The following SAXO5 variants were observed in gnomAD, a reference collection of about 807,000 sequenced individuals.
The protein encoded by SAXO5 is stabilizer of axonemal microtubules 5.
At chr19:7,505,306 A>G in the SAXO5 span, 2 of 1,610,998 alleles carry the variant, frequency 1.2e-6, no homozygotes, top group Non-Finnish European at 1.7e-6. Context: ...TCTTGATGGA[A>G]TAATACACTA....
chr19:7,507,110 C>T, the SAXO5 span: 12 of 1,613,950 alleles, frequency 7.4e-6, no homozygotes, highest in East Asian at 2.2e-5. Context: ...AGAACACCTC[C>T]GGCCCCGGTG....
chr19:7,500,907 G>C, the SAXO5 span: 3 of 1,581,750 alleles, frequency 1.9e-6, no homozygotes, highest in Non-Finnish European at 2.6e-6. Flanking sequence ...CTTCTCGCTG[G>C]GGCCTGACCT....
At chr19:7,498,448 G>T in the SAXO5 span, among the ~76,000 whole-genome samples, 1 of 147,084 alleles carries the variant, frequency 6.8e-6, no homozygotes, top group Non-Finnish European at 1.5e-5. Flanking sequence ...CCAGGCTGGA[G>T]TGCAATGGCG....
the SAXO5 span, among the ~76,000 whole-genome samples, chr19:7,507,867 C>T: frequency 3.3e-5 from 5 of 152,168 alleles, no homozygotes; most frequent in East Asian, 7.7e-4. Flanking sequence ...TGTCCCTAGG[C>T]GGCCCCACCT....
At chr19:7,506,722 C>G in the SAXO5 span, 1 of 378,650 alleles carries the variant, frequency 2.6e-6, no homozygotes, top group Non-Finnish European at 4.9e-6. Context: ...TGGCTCCTTC[C>G]TTTGTCCCAG....
the SAXO5 span, chr19:7,506,213 GC>G: frequency 7.3e-7 from 1 of 1,360,666 alleles, no homozygotes; most frequent in Non-Finnish European, 9.5e-7. Flanking sequence ...GCCCCGGGAA[GC>G]CCCACCCCCG....
the SAXO5 span, chr19:7,505,558 A>G: frequency 1.2e-6 from 2 of 1,614,166 alleles, no homozygotes; most frequent in South Asian, 2.2e-5. Context: ...GGAGTCGCAC[A>G]TCCTGAAAGG....
At chr19:7,500,767 T>A in the SAXO5 span, 2 of 1,372,258 alleles carry the variant, frequency 1.5e-6, no homozygotes, top group Non-Finnish European at 1.9e-6. Flanking sequence ...AGTGCCCCAA[T>A]GGGCACTTGC....
At chr19:7,501,107 G>A in the SAXO5 span, 1 of 1,504,876 alleles carries the variant, frequency 6.6e-7, no homozygotes, top group African/African-American at 1.4e-5. Flanking sequence ...CGCCGTGGGA[G>A]CTGCTGCAAG....
At chr19:7,501,289 C>T in the SAXO5 span, 5 of 1,573,766 alleles carry the variant, frequency 3.2e-6, no homozygotes, top group South Asian at 1.1e-5. Flanking sequence ...GACCGCGACT[C>T]CCTGCCTCCT....
chr19:7,504,476 G>A, the SAXO5 span: 2 of 1,331,004 alleles, frequency 1.5e-6, no homozygotes, highest in African/African-American at 2.9e-5. Context: ...GGGAGGCTGA[G>A]GCAGACAGAT....
At chr19:7,506,133 T>A in the SAXO5 span, 1 of 1,611,906 alleles carries the variant, frequency 6.2e-7, no homozygotes, top group East Asian at 2.2e-5. Flanking sequence ...AACCTCCACT[T>A]GCAGCAAAGC....
the SAXO5 span, among the ~76,000 whole-genome samples, chr19:7,499,338 A>G: frequency 8.1e-6 from 1 of 124,142 alleles, no homozygotes; most frequent in East Asian, 2.8e-4. Context: ...AAAGAAAGAG[A>G]GAGAAGGTAG....
the SAXO5 span, chr19:7,506,119 G>T: frequency 1.2e-6 from 2 of 1,612,654 alleles, no homozygotes; most frequent in South Asian, 1.1e-5. Flanking sequence ...TGCAGAAAGC[G>T]CCCAACCTCC....
the SAXO5 span, chr19:7,507,226 C>T: frequency 5.8e-6 from 7 of 1,210,520 alleles, no homozygotes; most frequent in Non-Finnish European, 8.4e-6. Context: ...TGCTGTCACC[C>T]TGTCTCAGAG....
chr19:7,505,472 C>G, the SAXO5 span: 2 of 1,613,726 alleles, frequency 1.2e-6, no homozygotes. Context: ...CCGCCTCCCA[C>G]CGCAGCCTCC....
chr19:7,507,953 T>TCCCGCCCCTTCGTGGCCAAGC, the SAXO5 span, among the ~76,000 whole-genome samples: 2 of 151,562 alleles, frequency 1.3e-5, no homozygotes, highest in East Asian at 3.9e-4. Flanking sequence ...CCCTGGACAA[T>TCCCGCCCCTTCGTGGCCAAGC]CCCGCCCCTT....
the SAXO5 span, chr19:7,501,521 T>A: frequency 8.3e-7 from 1 of 1,197,610 alleles, no homozygotes; most frequent in Non-Finnish European, 1.1e-6. Context: ...ACGCTTTTGG[T>A]GGTCAGGACT....
the SAXO5 span, chr19:7,505,342 C>T: frequency 1.9e-6 from 3 of 1,614,218 alleles, no homozygotes; most frequent in Non-Finnish European, 2.5e-6. Context: ...AGGCCCAGGC[C>T]ACAGCCCACA....
Sources: allele counts gnomAD v4.1 joint callset (sites outside exome capture counted in the v4.1 genomes callset), GRCh38; gene constraint gnomAD v4.1.1; transcripts MANE v1.5; gene names NCBI Gene and HGNC (gene_info 2026-07-23, HGNC 2026-07-21).